Variants in TMEM272 observed in about 807,000 individuals in gnomAD.
TMEM272 encodes long intergenic non-protein coding RNA 282.
Under a neutral mutation model 3.7 loss-of-function variants are expected in TMEM272, and 8 were observed. The observed-to-expected ratio is 2.17, with a 90% CI of 1.27 to 3.91. TMEM272 has a LOEUF of 3.91. Ranked by LOEUF, TMEM272 falls within the 30% of genes most tolerant of loss-of-function variation. TMEM272 has a pLI of 0.00. For missense variants in TMEM272, 166 were observed against 91.5 expected, an observed-to-expected ratio of 1.81 and a Z score of -3.32; for synonymous variants, 63 against 39.8, an observed-to-expected ratio of 1.58 and a Z score of -2.20.
At chr13:51,859,894 ATT>A in the TMEM272 span, among the ~76,000 whole-genome samples, 1 of 148,606 alleles carries the variant, frequency 6.7e-6, no homozygotes, top group Non-Finnish European at 1.5e-5. Context: ...CTGTTATTCT[ATT>A]TTTTTTTTTG....
chr13:51,817,213 GAGAA>G (rs1593588781), intron 4 of TMEM272, 100 bp from the exon 5 acceptor site: 1 of 608,678 alleles, frequency 1.6e-6, no homozygotes, highest in Non-Finnish European at 3.0e-6. Context: ...GGCAGGGAGA[GAGAA>G]AGAGGAGAGA....
At chr13:51,839,894 T>G (rs76322991) in intron 1 of TMEM272, among the ~76,000 whole-genome samples, 2,507 of 152,292 alleles carry the variant, frequency 0.016, 83 homozygotes, top group East Asian at 0.12. Flanking sequence ...TTCCCATCAC[T>G]GTCCTTCTAG....
chr13:51,869,392 A>G, the TMEM272 span, among the ~76,000 whole-genome samples: 2 of 152,120 alleles, frequency 1.3e-5, no homozygotes, highest in African/African-American at 4.8e-5. Context: ...AACGGTATCA[A>G]TGGGGCTAGC....
the TMEM272 span, among the ~76,000 whole-genome samples, chr13:51,880,263 A>G: frequency 8.3e-6 from 1 of 120,004 alleles, no homozygotes; most frequent in Non-Finnish European, 1.7e-5. Context: ...TTTCAAATTC[A>G]ATTCCTTTCA....
chr13:51,833,944 AGG>A (rs1387018074), intron 2 of TMEM272, among the ~76,000 whole-genome samples: 3 of 152,090 alleles, frequency 2.0e-5, no homozygotes, highest in Admixed American at 2.0e-4. Context: ...AGCAATGAAG[AGG>A]GGGCTGCTGA....
the TMEM272 span, among the ~76,000 whole-genome samples, chr13:51,883,726 C>G: frequency 6.6e-6 from 1 of 152,206 alleles, no homozygotes; most frequent in African/African-American, 2.4e-5. Context: ...TCAGGTTTCA[C>G]CAGGGACTCA....
In TMEM272 at chr13:51,815,522, G is replaced by GA. The variant is rs781513817; in HGVS notation, c.*1228dup. Reference sequence around the variant, plus strand: ...AGGGATTGGTTTGATGAGAAAGCACGAAAACATAACAAAGTTAAAAAATAA... The same window carrying GA: ...AGGGATTGGTTTGATGAGAAAGCACGAAAAACATAACAAAGTTAAAAAATAA... On this transcript the variant is annotated 3_prime_UTR_variant, in exon 5 of 5. Coordinates refer to ENST00000629372, the MANE Select transcript of TMEM272 (RefSeq NM_001351003.2). 1 of 152,430 alleles carries GA rather than the reference G, an allele frequency of 6.6e-6. No individual in the cohort carries two copies. The highest frequency in any genetic ancestry group is 1.5e-5 in the Non-Finnish European group (1 of 68,048). The allele number at this position is 152,430 out of a possible 1,614,324, so 9.4% of individuals were successfully genotyped here.
the TMEM272 span, among the ~76,000 whole-genome samples, chr13:51,855,057 G>A: frequency 6.6e-6 from 1 of 152,188 alleles, no homozygotes; most frequent in Non-Finnish European, 1.5e-5. Flanking sequence ...CAGTGGAGGT[G>A]AAGATTCTTT....
the TMEM272 span, among the ~76,000 whole-genome samples, chr13:51,861,444 T>C: frequency 0.86 from 130,989 of 151,918 alleles, 58,001 homozygotes; most frequent in East Asian, 1. Flanking sequence ...TGACAAAAAT[T>C]CTGGAGTTGA....
the TMEM272 span, among the ~76,000 whole-genome samples, chr13:51,907,726 G>A: frequency 6.6e-6 from 1 of 152,178 alleles, no homozygotes; most frequent in Admixed American, 6.5e-5. Flanking sequence ...CTTCTGTTGG[G>A]ATCTGTGAGT....
chr13:51,922,649 A>T, the TMEM272 span, among the ~76,000 whole-genome samples: 2 of 152,154 alleles, frequency 1.3e-5, no homozygotes, highest in Non-Finnish European at 2.9e-5. Flanking sequence ...AAAACAATGC[A>T]AATTTGTCCT....
the TMEM272 span, among the ~76,000 whole-genome samples, chr13:51,930,866 TA>T: frequency 6.6e-6 from 1 of 152,070 alleles, no homozygotes; most frequent in African/African-American, 2.4e-5. Context: ...TAATCTTTAA[TA>T]AAAAAGGTTT....
chr13:51,836,929 G>A (rs1956221129), intron 2 of TMEM272, among the ~76,000 whole-genome samples: 1 of 152,214 alleles, frequency 6.6e-6, no homozygotes, highest in African/African-American at 2.4e-5. Flanking sequence ...CAATCACAAA[G>A]GGTTTCACAA....
the TMEM272 span, among the ~76,000 whole-genome samples, chr13:51,883,347 T>C: frequency 2.2e-3 from 340 of 152,354 alleles, 4 homozygotes; most frequent in Non-Finnish European, 3.9e-3. Context: ...GTTCTTGTCC[T>C]GTGACCAAAC....
rs552094998 is a variant in TMEM272 at position 51,827,475 on chromosome 13, G to A, written c.59-850C>T. Reference sequence around the variant, plus strand: ...GGTTTCCTCATCTGTTCTCCAGATCGGCAGATATATCTGCAGATATAGGTT... The same window carrying A: ...GGTTTCCTCATCTGTTCTCCAGATCAGCAGATATATCTGCAGATATAGGTT... On this transcript the variant is annotated intron_variant, in intron 2 of 4. Transcript: ENST00000629372. 7.9e-5 allele frequency among the ~76,000 whole-genome samples: 12 copies of A among 152,284 alleles called. No individual in the cohort carries two copies. In the East Asian group the frequency reaches 1.5e-3, roughly 20 times the overall value.
chr13:51,851,451 A>AT, the TMEM272 span, among the ~76,000 whole-genome samples: 123,392 of 142,658 alleles, frequency 0.86, 54,770 homozygotes, highest in East Asian at 0.99. Flanking sequence ...ATTTGTAGTC[A>AT]TTTTTTTTTT....
the TMEM272 span, among the ~76,000 whole-genome samples, chr13:51,894,567 C>T: frequency 2.0e-5 from 3 of 152,148 alleles, no homozygotes; most frequent in South Asian, 6.2e-4. Context: ...AAAATTACAG[C>T]TGCAGGGTGA....
At chr13:51,818,528 AC>A (rs1244536367) in intron 4 of TMEM272, among the ~76,000 whole-genome samples, 1 of 152,202 alleles carries the variant, frequency 6.6e-6, no homozygotes, top group African/African-American at 2.4e-5. Flanking sequence ...TGGATGTTGT[AC>A]AAAAATAGAC....
the TMEM272 span, chr13:51,908,171 G>A: frequency 1.6e-6 from 1 of 608,892 alleles, no homozygotes; most frequent in South Asian, 1.9e-5. Flanking sequence ...AACTGAAAAT[G>A]AGAATAGTCA....
Sources: allele counts gnomAD v4.1 joint callset (sites outside exome capture counted in the v4.1 genomes callset), GRCh38; gene constraint gnomAD v4.1.1; transcripts MANE v1.5; gene names NCBI Gene and HGNC (gene_info 2026-07-23, HGNC 2026-07-21).